SGCD: variants seen among roughly 807,000 people sequenced by gnomAD.
SGCD encodes the protein delta-sarcoglycan.
A neutral mutation model predicts 36.6 loss-of-function variants in SGCD; 18 were observed. That is an observed-to-expected ratio of 0.49 (90% confidence interval 0.34 to 0.73). SGCD has a LOEUF of 0.73. Ranked by LOEUF, SGCD falls within the 30% of genes least tolerant of loss-of-function variation. The probability of loss-of-function intolerance (pLI) is 0.01; values close to 1 mark genes in which losing one functional copy is unlikely to be tolerated. For synonymous variants in SGCD, 133 were observed against 130.6 expected (o/e 1.02, Z -0.12); for missense variants, 387 against 346.7 (o/e 1.12, Z -0.92).
exon 3 of SGCD, chr5:156,123,885 T>A (rs1376262639): frequency 6.6e-6 from 1 of 152,192 alleles, no homozygotes; most frequent in Non-Finnish European, 1.5e-5. Context: ...CCTCAGGGAT[T>A]TGAAGAAGGT....
intron 4 of SGCD, among the ~76,000 whole-genome samples, chr5:156,558,124 T>TATATATATATATATA (rs56288003): frequency 1.0e-3 from 125 of 123,452 alleles, no homozygotes; most frequent in South Asian, 1.3e-3. Context: ...TATATATATA[T>TATATATATATATATA]TATTTAACTC....
intron 3 of SGCD, among the ~76,000 whole-genome samples, chr5:156,299,700 A>G (rs1322218337): frequency 6.6e-6 from 1 of 152,074 alleles, no homozygotes; most frequent in East Asian, 1.9e-4. Context: ...TTGTAGTTGT[A>G]GTAAATGGGA....
intron 3 of SGCD, among the ~76,000 whole-genome samples, chr5:156,395,978 A>G (rs116577731): frequency 0.013 from 1,941 of 152,306 alleles, 48 homozygotes; most frequent in African/African-American, 0.045. Context: ...CAATGATACT[A>G]TGAGTTTAAT....
At chr5:155,813,237 T>G in the SGCD span, among the ~76,000 whole-genome samples, 4 of 152,152 alleles carry the variant, frequency 2.6e-5, no homozygotes, top group African/African-American at 9.7e-5. Flanking sequence ...AATTTTATTC[T>G]GTAGGCAATG....
chr5:156,311,915 CT>C (rs1767398696), intron 3 of SGCD, among the ~76,000 whole-genome samples: 1 of 152,076 alleles, frequency 6.6e-6, no homozygotes, highest in Non-Finnish European at 1.5e-5. Context: ...ACAAACAGAG[CT>C]TTTATATTTT....
intron 7 of SGCD, among the ~76,000 whole-genome samples, chr5:156,695,511 G>GGATAGATA (rs56315334): frequency 8.6e-5 from 12 of 140,048 alleles, no homozygotes; most frequent in South Asian, 2.3e-4. Context: ...ATAGATAGAT[G>GGATAGATA]GATAGATAGA....
At chr5:156,639,439 A>C (rs1303954517) in intron 6 of SGCD, among the ~76,000 whole-genome samples, 2 of 152,184 alleles carry the variant, frequency 1.3e-5, no homozygotes, top group African/African-American at 4.8e-5. Flanking sequence ...AACTGAACAC[A>C]TGCACCTCTG....
At chr5:155,896,054 T>G (rs1580977348) in intron 1 of SGCD, among the ~76,000 whole-genome samples, 1 of 152,240 alleles carries the variant, frequency 6.6e-6, no homozygotes, top group East Asian at 1.9e-4. Flanking sequence ...TGATTGGTTT[T>G]CCTATATTCC....
At chr5:156,429,019 A>G (rs1041349785) in intron 3 of SGCD, among the ~76,000 whole-genome samples, 4 of 151,766 alleles carry the variant, frequency 2.6e-5, no homozygotes, top group African/African-American at 9.7e-5. Context: ...GCATCTGCTC[A>G]ATCCATTTCT....
intron 7 of SGCD, among the ~76,000 whole-genome samples, chr5:156,723,010 A>G (rs1561876778): frequency 6.6e-6 from 1 of 152,234 alleles, no homozygotes; most frequent in Non-Finnish European, 1.5e-5. Context: ...AGTAAATTAG[A>G]CATTTAAAAA....
At chr5:155,920,415 G>A (rs78550320) in intron 1 of SGCD, among the ~76,000 whole-genome samples, 1 of 152,146 alleles carries the variant, frequency 6.6e-6, no homozygotes, top group Non-Finnish European at 1.5e-5. Flanking sequence ...GGAGTTTATA[G>A]GGGAGTATGA....
At chr5:156,243,269 C>T (rs959869865) in intron 3 of SGCD, among the ~76,000 whole-genome samples, 5 of 152,152 alleles carry the variant, frequency 3.3e-5, no homozygotes, top group Non-Finnish European at 7.4e-5. Flanking sequence ...CATGCGGGTG[C>T]CTGGTGGAAG....
At chr5:156,747,623 C>T (rs1581523680) in intron 7 of SGCD, among the ~76,000 whole-genome samples, 1 of 152,142 alleles carries the variant, frequency 6.6e-6, no homozygotes, top group African/African-American at 2.4e-5. Flanking sequence ...TAGCCGGCTT[C>T]CCTCAAATTG....
intron 3 of SGCD, among the ~76,000 whole-genome samples, chr5:156,489,401 C>G (rs1755841431): frequency 3.3e-5 from 5 of 152,074 alleles, no homozygotes; most frequent in Admixed American, 2.0e-4. Flanking sequence ...CAGAACATTT[C>G]ATTCAACAAC....
chr5:156,319,561 T>C (rs1767604512), intron 3 of SGCD, among the ~76,000 whole-genome samples: 1 of 152,204 alleles, frequency 6.6e-6, no homozygotes, highest in African/African-American at 2.4e-5. Flanking sequence ...AGATAATGCA[T>C]CTTGAAACAC....
chr5:156,331,324 C>G (rs1045839192), intron 2 of SGCD, among the ~76,000 whole-genome samples: 1 of 152,206 alleles, frequency 6.6e-6, no homozygotes, highest in Admixed American at 6.5e-5. Context: ...GCTGTAGCCT[C>G]TGACCTGCCT....
the SGCD span, among the ~76,000 whole-genome samples, chr5:155,855,042 C>T: frequency 9.1e-4 from 139 of 152,260 alleles, no homozygotes; most frequent in African/African-American, 3.2e-3. Flanking sequence ...TGGGATTCTT[C>T]CCACCACTTT....
chr5:156,468,099 A>C (rs114216122), intron 3 of SGCD, among the ~76,000 whole-genome samples: 6,297 of 152,300 alleles, frequency 0.041, 201 homozygotes, highest in South Asian at 0.077. Context: ...CTGTAATCCC[A>C]GCACTTCAGG....
In SGCD at chr5:156,329,873, C is replaced by A. The variant is rs566635086; in HGVS notation, c.3+294C>A. Reference sequence around the variant, plus strand: ...TATACTAAAAATACCAAAAATTAGCCGGACATGGTGGTGGGCGCCCGTAGT... The same window carrying A: ...TATACTAAAAATACCAAAAATTAGCAGGACATGGTGGTGGGCGCCCGTAGT... On this transcript the variant is annotated intron_variant, in intron 2 of 8. Transcript: ENST00000337851. 3.9e-4 allele frequency among the ~76,000 whole-genome samples: 59 copies of A among 151,684 alleles called. 1 individual carries two copies. Among genetic ancestry groups the A allele is most frequent in the Middle Eastern group, 3.2e-3 (1 of 316 alleles).
Sources: allele counts gnomAD v4.1 joint callset (sites outside exome capture counted in the v4.1 genomes callset), GRCh38; gene constraint gnomAD v4.1.1; transcripts MANE v1.5; gene names NCBI Gene and HGNC (gene_info 2026-07-23, HGNC 2026-07-21).